The following GPC6 variants were observed in gnomAD, a reference collection of about 807,000 sequenced individuals.
GPC6 encodes the protein glypican 6, also known as glypican-6.
In GPC6, 14 loss-of-function variants were observed where a neutral mutation model predicts 55.2. That is an observed-to-expected ratio of 0.25 (90% CI 0.17 to 0.40). GPC6 has a LOEUF of 0.40. Ranked by LOEUF, GPC6 falls within the 10% of genes least tolerant of loss-of-function variation. GPC6 has a pLI of 1.00. For synonymous variants in GPC6, 278 were observed against 259.6 expected (o/e 1.07, Z -0.68); for missense variants, 641 against 708.5 (o/e 0.90, Z 1.08).
intron 2 of GPC6, among the ~76,000 whole-genome samples, chr13:93,612,067 G>C (rs1878486696): frequency 6.6e-6 from 1 of 152,144 alleles, no homozygotes; most frequent in Admixed American, 6.5e-5. Flanking sequence ...AACTGAATTT[G>C]TCATGTTTCC....
At chr13:93,920,196 A>G (rs1186409599) in intron 3 of GPC6, among the ~76,000 whole-genome samples, 2 of 152,038 alleles carry the variant, frequency 1.3e-5, no homozygotes, top group African/African-American at 4.8e-5. Context: ...TCACAGTTAT[A>G]TCCTCATTCT....
intron 2 of GPC6, among the ~76,000 whole-genome samples, chr13:93,614,537 C>A (rs1296226586): frequency 2.0e-5 from 3 of 152,064 alleles, no homozygotes; most frequent in Admixed American, 6.6e-5. Flanking sequence ...GTGAAGAAAC[C>A]ATGGCTGGTA....
At chr13:93,275,199 G>A (rs1420589677) in intron 1 of GPC6, among the ~76,000 whole-genome samples, 2 of 152,200 alleles carry the variant, frequency 1.3e-5, no homozygotes, top group Non-Finnish European at 2.9e-5. Flanking sequence ...CTTATTGGGG[G>A]AAGACTGTTT....
At chr13:93,552,391 G>A (rs528186815) in intron 2 of GPC6, among the ~76,000 whole-genome samples, 1 of 152,076 alleles carries the variant, frequency 6.6e-6, no homozygotes, top group African/African-American at 2.4e-5. Context: ...TTTAAATGTG[G>A]TGCATGTAGA....
intron 4 of GPC6, among the ~76,000 whole-genome samples, chr13:94,285,402 C>T (rs909773690): frequency 3.3e-5 from 5 of 152,112 alleles, no homozygotes; most frequent in African/African-American, 1.2e-4. Flanking sequence ...CAACGTGGAA[C>T]AGAAACATTG....
intron 4 of GPC6, among the ~76,000 whole-genome samples, chr13:94,115,040 G>T (rs888301042): frequency 7.2e-5 from 11 of 152,082 alleles, no homozygotes; most frequent in Non-Finnish European, 1.3e-4. Context: ...TGTGATAAGA[G>T]CCAACTAGTT....
At chr13:93,333,531 ATTTTT>A (rs35057548) in intron 1 of GPC6, among the ~76,000 whole-genome samples, 2,136 of 130,588 alleles carry the variant, frequency 0.016, 28 homozygotes, top group Admixed American at 0.027. Flanking sequence ...ATGCTATTGA[ATTTTT>A]TTTTTTTTTT....
At chr13:93,320,018 T>A (rs1290450193) in intron 1 of GPC6, among the ~76,000 whole-genome samples, 1 of 152,146 alleles carries the variant, frequency 6.6e-6, no homozygotes, top group Admixed American at 6.6e-5. Flanking sequence ...ATAGATCAAC[T>A]GATATCTTTG....
intron 2 of GPC6, among the ~76,000 whole-genome samples, chr13:93,787,476 C>T (rs970330639): frequency 6.6e-6 from 1 of 152,158 alleles, no homozygotes; most frequent in Admixed American, 6.5e-5. Flanking sequence ...ATCCCCTGTT[C>T]TATAGGATTC....
intron 3 of GPC6, among the ~76,000 whole-genome samples, chr13:93,972,792 T>G (rs1045160299): frequency 6.6e-5 from 10 of 152,158 alleles, no homozygotes; most frequent in Admixed American, 6.5e-4. Context: ...TTCCAGGTGC[T>G]TGGCTGGAAC....
At chr13:93,569,208 A>G (rs926268741) in intron 2 of GPC6, among the ~76,000 whole-genome samples, 2 of 152,176 alleles carry the variant, frequency 1.3e-5, no homozygotes, top group African/African-American at 4.8e-5. Context: ...AAATAAGATT[A>G]TAATTAACTG....
At chr13:94,143,583 T>TGAAA (rs77708567) in intron 4 of GPC6, among the ~76,000 whole-genome samples, 27,624 of 151,980 alleles carry the variant, frequency 0.18, 2,795 homozygotes, top group Non-Finnish European at 0.23. Context: ...CATTCCAGCC[T>TGAAA]GAAAGAGAGT....
At chr13:93,371,360 A>G (rs1340095243) in intron 1 of GPC6, among the ~76,000 whole-genome samples, 1 of 152,154 alleles carries the variant, frequency 6.6e-6, no homozygotes, top group African/African-American at 2.4e-5. Flanking sequence ...GATTTTAGGT[A>G]AACTATTAAT....
intron 3 of GPC6, among the ~76,000 whole-genome samples, chr13:93,910,296 A>C (rs72644449): frequency 0.072 from 11,019 of 152,170 alleles, 531 homozygotes; most frequent in Non-Finnish European, 0.12. Context: ...TCTCTTGCCC[A>C]CCACCATGTG....
chr13:94,406,961 T>C lies in GPC6; in HGVS notation c.*3744T>C, dbSNP rs189764885. On this transcript the variant is annotated 3_prime_UTR_variant, in exon 9 of 9. Coordinates refer to ENST00000377047, the MANE Select transcript of GPC6 (RefSeq NM_005708.5). ...CAATTTAGCTTTGCCAACAGAAGAG[T>C]AAAGGAAACCATAACTTATAAATTT... 4.7e-4 allele frequency: 71 copies of C among 152,202 alleles called. No individual in the cohort carries two copies. The highest frequency in any genetic ancestry group is 1.7e-3 in the African/African-American group (69 of 41,564). 9.4% of individuals were successfully genotyped at this position (152,202 alleles called of 1,614,324 possible). A position where few individuals can be genotyped will look rare whatever the true frequency, so the allele number is the denominator to read the frequency against.
chr13:94,265,206 A>G (rs1891763131), intron 4 of GPC6, among the ~76,000 whole-genome samples: 1 of 152,198 alleles, frequency 6.6e-6, no homozygotes, highest in African/African-American at 2.4e-5. Context: ...TCTAGAGGGA[A>G]AGAACTAATA....
At chr13:93,463,488 A>G (rs879517806) in intron 1 of GPC6, among the ~76,000 whole-genome samples, 11 of 152,152 alleles carry the variant, frequency 7.2e-5, no homozygotes, top group Non-Finnish European at 1.2e-4. Flanking sequence ...TACTAGATCC[A>G]CTTAAAGAGT....
intron 4 of GPC6, among the ~76,000 whole-genome samples, chr13:94,155,018 C>T (rs370421691): frequency 2.0e-5 from 3 of 152,266 alleles, no homozygotes; most frequent in African/African-American, 4.8e-5. Context: ...CTGGTGTCCC[C>T]AGGGCACTGC....
At chr13:93,642,591 C>T (rs1330408301) in intron 2 of GPC6, among the ~76,000 whole-genome samples, 1 of 151,970 alleles carries the variant, frequency 6.6e-6, no homozygotes, top group Non-Finnish European at 1.5e-5. Flanking sequence ...TCAAGTATTT[C>T]ATTTTTATCA....
Sources: allele counts gnomAD v4.1 joint callset (sites outside exome capture counted in the v4.1 genomes callset), GRCh38; gene constraint gnomAD v4.1.1; transcripts MANE v1.5; gene names NCBI Gene and HGNC (gene_info 2026-07-23, HGNC 2026-07-21).